Variants in DNAJB6 observed in about 807,000 individuals in gnomAD.
The protein encoded by DNAJB6 is DnaJ heat shock protein family (Hsp40) member B6, also known as dnaJ homolog subfamily B member 6.
In DNAJB6, 16 loss-of-function variants were observed where a neutral mutation model predicts 42.7. The observed-to-expected ratio is 0.37, with a 90% CI of 0.25 to 0.57. The LOEUF (loss-of-function observed/expected upper bound fraction) is 0.57. DNAJB6 is among the 20% of genes least tolerant of loss of function. The pLI is 0.74. For missense variants in DNAJB6, 347 were observed against 416.8 expected (o/e 0.83, Z 1.46); for synonymous variants, 170 against 163.5 (o/e 1.04, Z -0.30).
rs1221652194 is a variant in DNAJB6 at position 157,363,148 on chromosome 7, T to G, written c.66-13T>G. Reference sequence around the variant, plus strand: ...GATTTAGAATGTGATCTATATCCTTTATTCTTTCCAAGATATCGGAAACTG... The same window carrying G: ...GATTTAGAATGTGATCTATATCCTTGATTCTTTCCAAGATATCGGAAACTG... On this transcript the variant is annotated splice_polypyrimidine_tract_variant and intron_variant, in intron 2 of 9. Coordinates refer to ENST00000262177, the MANE Select transcript of DNAJB6 (RefSeq NM_058246.4). 1 of 1,559,054 alleles carries G rather than the reference T, an allele frequency of 6.4e-7. No homozygotes were observed. The highest frequency in any genetic ancestry group is 8.8e-7 in the Non-Finnish European group (1 of 1,137,342).
At chr7:157,397,251 C>G (rs1489637470) in intron 8 of DNAJB6, among the ~76,000 whole-genome samples, 2 of 152,196 alleles carry the variant, frequency 1.3e-5, no homozygotes, top group South Asian at 2.1e-4. Flanking sequence ...CATGTGGCCT[C>G]CACCTCACGT....
intron 8 of DNAJB6, among the ~76,000 whole-genome samples, chr7:157,388,539 G>T (rs1801189769): frequency 6.6e-6 from 1 of 151,746 alleles, no homozygotes; most frequent in South Asian, 2.1e-4. Flanking sequence ...GGGGTGTGCT[G>T]TCTGCTGTGT....
chr7:157,359,065 G>A (rs538552493), intron 2 of DNAJB6, among the ~76,000 whole-genome samples: 3 of 152,298 alleles, frequency 2.0e-5, no homozygotes, highest in South Asian at 2.1e-4. Flanking sequence ...GAACTGCAGC[G>A]CTGCCTGTGG....
At chr7:157,355,745 A>G (rs1201607576) in intron 1 of DNAJB6, among the ~76,000 whole-genome samples, 1 of 152,128 alleles carries the variant, frequency 6.6e-6, no homozygotes, top group Admixed American at 6.5e-5. Flanking sequence ...TACTGCCTTT[A>G]TGCTTTCCTT....
At position 157,358,548 on chromosome 7, in the gene DNAJB6, A is replaced by C. The variant is rs762437688; in HGVS notation, c.-25A>C. The C allele has an allele frequency of 5.6e-6, 9 of 1,606,294 alleles. No homozygotes were observed. Among genetic ancestry groups the C allele is most frequent in the East Asian group, 4.5e-5 (2 of 44,834 alleles). On this transcript the variant is annotated splice_region_variant and 5_prime_UTR_variant, in exon 2 of 10. Transcript: ENST00000262177. ...CTGACCACCTGTTTTTACTTGCAGG[A>C]CCCATTCCAACAATCTCGTAAAACA... is the stretch of plus-strand genomic sequence containing the variant.
At chr7:157,337,447 GC>G (rs1798101388) in intron 1 of DNAJB6, 1 of 152,412 alleles carries the variant, frequency 6.6e-6, no homozygotes, top group Admixed American at 6.6e-5. Context: ...TGGGGGTGGG[GC>G]CCGGCCTGGG....
chr7:157,354,783 G>A (rs1048610344), intron 1 of DNAJB6, among the ~76,000 whole-genome samples: 3 of 152,284 alleles, frequency 2.0e-5, no homozygotes, highest in Non-Finnish European at 4.4e-5. Context: ...AGGTAGACTC[G>A]GCAGAACTTT....
At chr7:157,373,606 C>T (rs1018592635) in intron 5 of DNAJB6, among the ~76,000 whole-genome samples, 1 of 152,192 alleles carries the variant, frequency 6.6e-6, no homozygotes, top group Admixed American at 6.5e-5. Context: ...CTGCCTTGGC[C>T]TCCCGAAGTG....
chr7:157,353,586 GGTGTGTGTGTGT>G lies in DNAJB6; in HGVS notation c.-26-4936_-26-4925del, dbSNP rs370854040. On this transcript the variant is annotated intron_variant, in intron 1 of 9. Transcript: ENST00000262177. Reference sequence around the variant, plus strand: ...CTGTCCCGTTGTTTTTCTTGACCGGGGTGTGTGTGTGTGTGTGTGTGTGTGTGTGTGTGTGTA... The same window carrying G: ...CTGTCCCGTTGTTTTTCTTGACCGGGGTGTGTGTGTGTGTGTGTGTGTGTA... Among the ~76,000 whole-genome samples the G allele has an allele frequency of 3.8e-4, 53 of 140,102 alleles. 1 individual carries two copies. The highest frequency in any genetic ancestry group is 3.6e-3 in the Middle Eastern group (1 of 274). 91.9% of individuals were successfully genotyped at this position (140,102 alleles called of 152,430 possible).
chr7:157,400,267 C>G (rs955605481), intron 8 of DNAJB6, among the ~76,000 whole-genome samples: 3 of 150,088 alleles, frequency 2.0e-5, no homozygotes, highest in Admixed American at 6.6e-5. Flanking sequence ...GAGTTCTGAA[C>G]ATGGGGGATG....
At chr7:157,339,169 A>G (rs1390185022) in intron 1 of DNAJB6, among the ~76,000 whole-genome samples, 1 of 151,508 alleles carries the variant, frequency 6.6e-6, no homozygotes, top group Non-Finnish European at 1.5e-5. Flanking sequence ...CAAGCCCGTA[A>G]TTCCCTTCTA....
chr7:157,352,669 TC>T (rs1488737174), intron 1 of DNAJB6, among the ~76,000 whole-genome samples: 1 of 152,122 alleles, frequency 6.6e-6, no homozygotes, highest in Non-Finnish European at 1.5e-5. Context: ...GACCATCCAC[TC>T]CGTGTATTAC....
intron 5 of DNAJB6, chr7:157,368,754 C>T (rs1221568406): frequency 1.9e-5 from 3 of 158,426 alleles, no homozygotes; most frequent in African/African-American, 2.4e-5. Flanking sequence ...TGTCTTTTGA[C>T]TTATTGAAAG....
intron 8 of DNAJB6, among the ~76,000 whole-genome samples, chr7:157,393,928 G>A (rs910470094): frequency 2.0e-5 from 3 of 152,156 alleles, no homozygotes; most frequent in African/African-American, 7.2e-5. Context: ...TGTGTTCACT[G>A]GAAGCATCCA....
chr7:157,390,992 G>A (rs1378947908), intron 8 of DNAJB6, among the ~76,000 whole-genome samples: 2 of 152,040 alleles, frequency 1.3e-5, no homozygotes, highest in Non-Finnish European at 2.9e-5. Context: ...GCGACACAAC[G>A]CCTGGCTAAC....
chr7:157,371,586 T>C (rs1326187431), intron 5 of DNAJB6, among the ~76,000 whole-genome samples: 1 of 152,262 alleles, frequency 6.6e-6, no homozygotes, highest in Non-Finnish European at 1.5e-5. Context: ...GAAGGAATGC[T>C]GCCTCTGAAT....
At chr7:157,369,064 G>A in intron 5 of DNAJB6, 1 of 361,826 alleles carries the variant, frequency 2.8e-6, no homozygotes. Flanking sequence ...TTCTGAGGGA[G>A]GAAGGACAGT....
chr7:157,373,805 T>C (rs1800337224), intron 5 of DNAJB6, among the ~76,000 whole-genome samples: 1 of 152,176 alleles, frequency 6.6e-6, no homozygotes, highest in African/African-American at 2.4e-5. Context: ...CTTTGATTAC[T>C]TTGGACAGAG....
chr7:157,373,395 G>C (rs1018624695), intron 5 of DNAJB6, among the ~76,000 whole-genome samples: 1 of 152,136 alleles, frequency 6.6e-6, no homozygotes, highest in African/African-American at 2.4e-5. Context: ...CTGTCACCCA[G>C]GCTGGAGTGC....
Sources: gnomAD v4.1 joint callset for allele counts (sites outside exome capture counted in the v4.1 genomes callset) on GRCh38, gnomAD v4.1.1 for gene constraint, MANE v1.5 for transcripts, NCBI Gene and HGNC (gene_info 2026-07-23, HGNC 2026-07-21) for gene names.